Variants in SMCR8 observed in about 807,000 individuals in gnomAD.
SMCR8 encodes the protein SMCR8-C9orf72 complex subunit.
Under a neutral mutation model 56.6 loss-of-function variants are expected in SMCR8, and 30 were observed. The ratio of observed to expected loss-of-function variants is 0.53; its 90% CI spans 0.40 to 0.72. The LOEUF (loss-of-function observed/expected upper bound fraction) is 0.72, where lower values mean the gene tolerates loss of function less well. Ranked by LOEUF, SMCR8 falls within the 30% of genes least tolerant of loss-of-function variation. The pLI is 0.00. For synonymous variants in SMCR8, 538 were observed against 456.0 expected (o/e 1.18, Z -2.29); for missense variants, 1,198 against 1,157.0 (o/e 1.04, Z -0.51).
chr17:18,318,178 C>T, intron 1 of SMCR8, 29 bp downstream of exon 1: 1 of 1,594,112 alleles, frequency 6.3e-7, no homozygotes, highest in Non-Finnish European at 8.6e-7. Context: ...TGGGGAAGGG[C>T]CTTGGCCAGA....
rs568885274 is a variant in SMCR8 at position 18,323,025 on chromosome 17, C to A, written c.2769C>A (p.Pro923=). 9 of 1,614,172 alleles carry A rather than the reference C, an allele frequency of 5.6e-6. No homozygotes were observed. The East Asian group carries it at 1.8e-4, about 32-fold the overall frequency. ...AGGAATCTCCAGGGACCAGCCACCCCATGCTCAGGTTTGACTATGTCCCCA... is the reference window on the plus strand; with the variant it reads ...AGGAATCTCCAGGGACCAGCCACCCAATGCTCAGGTTTGACTATGTCCCCA... The part of the protein sequence containing the change: ...YMQESPGTSH[P]MLRFDYVPSF... The change falls in exon 2 of 2, where the codon CCC becomes CCA. Residue 923 remains proline (P), a synonymous_variant. Transcript: ENST00000406438.
Position 18,317,240 on chromosome 17 carries a change from T to C in SMCR8, c.1451T>C (p.Leu484Pro). Reference protein sequence around the residue: ...VLGTEKSTSVLSKSDSQASLT... With the variant: ...VLGTEKSTSVPSKSDSQASLT... ...GGCACGGAGAAATCCACCTCCGTGC[T>C]TTCTAAATCTGACAGCCAGGCAAGC... The change falls in exon 1 of 2, where the codon CTT (leucine) becomes CCT (proline). Residue 484 changes from leucine (L) to proline (P), a missense_variant. Coordinates refer to ENST00000406438, the MANE Select transcript of SMCR8 (RefSeq NM_144775.3). 6.2e-7 allele frequency: 1 copy of C among 1,614,136 alleles called. No individual in the cohort carries two copies.
At chr17:18,318,846 A>G (rs1163768404) in intron 1 of SMCR8, among the ~76,000 whole-genome samples, 2 of 152,208 alleles carry the variant, frequency 1.3e-5, no homozygotes, top group Admixed American at 6.5e-5. Context: ...CAAAAGGCCC[A>G]TCAGAAGGGA....
In SMCR8 at chr17:18,316,612, C is replaced by G; in HGVS notation, c.823C>G (p.Gln275Glu). 2 of 1,614,168 alleles carry G rather than the reference C, an allele frequency of 1.2e-6. No homozygotes were observed. Among genetic ancestry groups the G allele is most frequent in the Non-Finnish European group, 8.5e-7 (1 of 1,180,034 alleles). The change falls in exon 1 of 2, where the codon CAG (glutamine) becomes GAG (glutamate). Residue 275 changes from glutamine to glutamate, a missense_variant. Gln to Glu is a conservative substitution (Grantham distance 29). Transcript: ENST00000406438. The part of the protein sequence containing the change: ...DLCPGEMEHI[Q>E]DQASQASTTS... ...GTGTCCTGGTGAGATGGAGCACATC[C>G]AGGATCAGGCCAGCCAGGCATCCAC...
In SMCR8 at chr17:18,315,967, A is replaced by C; in HGVS notation, c.178A>C (p.Ile60Leu). ...CAAGTTTTCGAGGGACTTCATTCTT[A>C]TTTCCGAGTTCTCTGAGCAGGTGGG... The part of the protein sequence containing the change: ...GAKFSRDFIL[I>L]SEFSEQVGPQ... Residue 60 changes from isoleucine (I) to leucine (L), a missense_variant, in exon 1 of 2, where the codon ATT becomes CTT. Physicochemically the swap from Ile to Leu is conservative, Grantham distance 5. Transcript: ENST00000406438. 3 of 1,614,042 alleles carry C rather than the reference A, an allele frequency of 1.9e-6. No individual in the cohort carries two copies. Among genetic ancestry groups the C allele is most frequent in the Non-Finnish European group, 1.7e-6 (2 of 1,179,992 alleles).
In SMCR8 at chr17:18,316,619, A is replaced by G; in HGVS notation, c.830A>G (p.Gln277Arg). 2 of 1,614,224 alleles carry G rather than the reference A, an allele frequency of 1.2e-6. No individual in the cohort carries two copies. The highest frequency in any genetic ancestry group is 8.5e-7 in the Non-Finnish European group (1 of 1,180,044). ...GGTGAGATGGAGCACATCCAGGATC[A>G]GGCCAGCCAGGCATCCACTACCTCT... ...CPGEMEHIQD[Q>R]ASQASTTSNP... is the part of the protein sequence containing the mutation. Residue 277 changes from glutamine to arginine, a missense_variant, in exon 1 of 2, where the codon CAG becomes CGG. By Grantham distance (43) the Gln-to-Arg change is conservative (BLOSUM62 1). Transcript: ENST00000406438.
In SMCR8 at chr17:18,324,965, G is replaced by A. The variant is rs1380405211; in HGVS notation, c.*1895G>A. On this transcript the variant is annotated 3_prime_UTR_variant, in exon 2 of 2. Transcript: ENST00000406438. ...GTTACTTGCGCTGGAGGCAGAGGCT[G>A]TGCAGGGAGCCTGCTTCTAATCGTG... 1 of 152,278 alleles carries A rather than the reference G, an allele frequency of 6.6e-6. No homozygotes were observed. Among genetic ancestry groups the A allele is most frequent in the Non-Finnish European group, 1.5e-5 (1 of 68,052 alleles). The allele number at this position is 152,278 out of a possible 1,614,324, so 9.4% of individuals were successfully genotyped here. A position where few individuals can be genotyped will look rare whatever the true frequency, so the allele number is the denominator to read the frequency against.
chr17:18,318,843 C>G (rs1982413504), intron 1 of SMCR8, among the ~76,000 whole-genome samples: 1 of 152,208 alleles, frequency 6.6e-6, no homozygotes, highest in South Asian at 2.1e-4. Flanking sequence ...AAGCAAAAGG[C>G]CCATCAGAAG....
At position 18,327,451 on chromosome 17, in the gene SMCR8, G is replaced by A. The variant is rs1001432904; in HGVS notation, c.*4381G>A. ...ACCACTTTGGTAGCAGAACTGTAGG[G>A]ACTGGTGAGTCAACTCACAGATTCT... On this transcript the variant is annotated 3_prime_UTR_variant, in exon 2 of 2. Coordinates refer to ENST00000406438, the MANE Select transcript of SMCR8 (RefSeq NM_144775.3). 3.9e-5 allele frequency: 6 copies of A among 152,206 alleles called. No homozygotes were observed. Among genetic ancestry groups the A allele is most frequent in the African/African-American group, 1.4e-4 (6 of 41,444 alleles). The allele number at this position is 152,206 out of a possible 1,614,324, so 9.4% of individuals were successfully genotyped here.
rs758296150 is a variant in SMCR8, at chr17:18,317,601, ACAC to A, written c.1813_1815del (p.His605del). On this transcript the variant is annotated inframe_deletion, in exon 1 of 2. Coordinates refer to ENST00000406438, the MANE Select transcript of SMCR8 (RefSeq NM_144775.3). The stretch of plus-strand genomic sequence containing the variant: ...TGCTGCCCTCCACTCCAGCCCACAC[ACAC>A]TCTGACGAGGATGGGGTGGTGAGCA... The A allele has an allele frequency of 6.2e-7, 1 of 1,614,054 alleles. No individual in the cohort carries two copies. Among genetic ancestry groups the A allele is most frequent in the Non-Finnish European group, 8.5e-7 (1 of 1,180,046 alleles).
chr17:18,319,421 G>A (rs1283434609), intron 1 of SMCR8, among the ~76,000 whole-genome samples: 3 of 152,118 alleles, frequency 2.0e-5, no homozygotes, highest in Non-Finnish European at 4.4e-5. Context: ...TAAAAATCAC[G>A]AGCAGGAGAG....
intron 1 of SMCR8, among the ~76,000 whole-genome samples, chr17:18,321,225 C>G (rs1348095018): frequency 1.3e-5 from 2 of 152,248 alleles, no homozygotes; most frequent in Non-Finnish European, 2.9e-5. Flanking sequence ...CTGGGCCCTA[C>G]AGGGCAGTCC....
In SMCR8 at chr17:18,322,928, C is replaced by G. The variant is rs369535992; in HGVS notation, c.2672C>G (p.Thr891Ser). 32 of 1,614,244 alleles carry G rather than the reference C, an allele frequency of 2.0e-5. No homozygotes were observed. In the South Asian group the frequency reaches 3.1e-4, roughly 16 times the overall value. Reference protein sequence around the residue: ...ASRQMSFLKLTLGLVNEDVRV... With the variant: ...ASRQMSFLKLSLGLVNEDVRV... ...CGCCAGATGAGCTTCCTAAAGCTGA[C>G]CCTGGGTCTGGTGAATGAGGATGTT... The change falls in exon 2 of 2, where the codon ACC becomes AGC. Residue 891 changes from threonine to serine, a missense_variant. Thr to Ser is a moderately conservative substitution (Grantham distance 58, BLOSUM62 1). Coordinates refer to ENST00000406438, the MANE Select transcript of SMCR8 (RefSeq NM_144775.3).
At position 18,315,702 on chromosome 17, in the gene SMCR8, C is replaced by A; in HGVS notation, c.-88C>A. On this transcript the variant is annotated 5_prime_UTR_variant, in exon 1 of 2. Coordinates refer to ENST00000406438, the MANE Select transcript of SMCR8 (RefSeq NM_144775.3). ...AAAGAAGGCCGTAAGGGCTTCACTT[C>A]CTTCTCCGGAGGCCTGCCTTCTGCG... The A allele has an allele frequency of 7.6e-7, 1 of 1,312,336 alleles. No individual in the cohort carries two copies. Among genetic ancestry groups the A allele is most frequent in the East Asian group, 2.3e-5 (1 of 43,176 alleles). The allele number at this position is 1,312,336 out of a possible 1,614,324, so 81.3% of individuals were successfully genotyped here. A position where few individuals can be genotyped will look rare whatever the true frequency, so the allele number is the denominator to read the frequency against.
chr17:18,318,198 G>C, intron 1 of SMCR8, 49 bp downstream of exon 1: 2 of 1,543,340 alleles, frequency 1.3e-6, no homozygotes, highest in Non-Finnish European at 1.8e-6. Flanking sequence ...ATAGGGATGA[G>C]GTATATTGGT....
rs1362212773 is a variant in SMCR8, at chr17:18,317,944, T to G, written c.2155T>G (p.Phe719Val). ...CTTAAAATTCATCCGCCAGTACCCC[T>G]TTGCCCACCCAGCCATCTACTCCCT... ...NALKFIRQYP[F>V]AHPAIYSLLS... The change falls in exon 1 of 2, where the codon TTT becomes GTT. Residue 719 changes from phenylalanine to valine, a missense_variant. Phe to Val is a conservative substitution (Grantham distance 50). Coordinates refer to ENST00000406438, the MANE Select transcript of SMCR8 (RefSeq NM_144775.3). 7 of 1,614,050 alleles carry G rather than the reference T, an allele frequency of 4.3e-6. No homozygotes were observed. In the African/African-American group the frequency reaches 9.3e-5, roughly 22 times the overall value.
rs1232963164 is a variant in SMCR8, at chr17:18,322,707, G to C, written c.2451G>C (p.Leu817=). Reference sequence around the variant, plus strand: ...TCCTGGACCTTGACAACAAAACCCTGCGCTGCCCCCTTTACAGAGGCACCC... The same window carrying C: ...TCCTGGACCTTGACAACAAAACCCTCCGCTGCCCCCTTTACAGAGGCACCC... ...TSILDLDNKT[L]RCPLYRGTLV... Residue 817 remains leucine, a synonymous_variant, in exon 2 of 2, where the codon CTG becomes CTC. Coordinates refer to ENST00000406438, the MANE Select transcript of SMCR8 (RefSeq NM_144775.3). 6.2e-7 allele frequency: 1 copy of C among 1,614,096 alleles called. No individual in the cohort carries two copies. Among genetic ancestry groups the C allele is most frequent in the African/African-American group, 1.3e-5 (1 of 74,922 alleles).
chr17:18,320,972 C>T (rs1484249453), intron 1 of SMCR8, among the ~76,000 whole-genome samples: 2 of 152,240 alleles, frequency 1.3e-5, no homozygotes, highest in Admixed American at 6.5e-5. Context: ...CTTCACTGTA[C>T]TTGTGCACAT....
chr17:18,318,250 C>CT, intron 1 of SMCR8, 101 bp downstream of exon 1: 1 of 1,132,318 alleles, frequency 8.8e-7, no homozygotes, highest in Non-Finnish European at 1.3e-6. Flanking sequence ...CTAGACAGGG[C>CT]CCAGTTCCTA....
Sources: gnomAD v4.1 joint callset for allele counts (sites outside exome capture counted in the v4.1 genomes callset) on GRCh38, gnomAD v4.1.1 for gene constraint, MANE v1.5 for transcripts, NCBI Gene and HGNC (gene_info 2026-07-23, HGNC 2026-07-21) for gene names.